YEATS2: variants seen among roughly 807,000 people sequenced by gnomAD.
The protein encoded by YEATS2 is YEATS domain-containing protein 2.
In YEATS2, 77 loss-of-function variants were observed where a neutral mutation model predicts 163.2. The ratio of observed to expected loss-of-function variants is 0.47; its 90% CI spans 0.39 to 0.57. The LOEUF (loss-of-function observed/expected upper bound fraction) is 0.57, where lower values mean the gene tolerates loss of function less well. YEATS2 is among the 20% of genes least tolerant of loss of function. YEATS2 has a pLI of 0.00. For synonymous variants in YEATS2, 631 were observed against 645.1 expected, an observed-to-expected ratio of 0.98 and a Z score of 0.33; for missense variants, 1,549 against 1,729.8, an observed-to-expected ratio of 0.90 and a Z score of 1.85.
intron 1 of YEATS2, among the ~76,000 whole-genome samples, chr3:183,710,547 C>T (rs1715092441): frequency 6.6e-6 from 1 of 152,180 alleles, no homozygotes; most frequent in African/African-American, 2.4e-5. Context: ...ACAAGAAAAG[C>T]TTTATTCTAA....
chr3:183,712,764 A>ATTT (rs35062693), intron 1 of YEATS2, among the ~76,000 whole-genome samples: 31 of 146,454 alleles, frequency 2.1e-4, no homozygotes, highest in South Asian at 4.3e-4. Context: ...ACTAATACAA[A>ATTT]TTTTTTTTTT....
intron 20 of YEATS2, among the ~76,000 whole-genome samples, chr3:183,787,384 C>T (rs1724165837): frequency 6.6e-6 from 1 of 151,154 alleles, no homozygotes; most frequent in African/African-American, 2.4e-5. Flanking sequence ...TGTTCTTGTC[C>T]TTTTTTTTTA....
chr3:183,799,103 C>A, intron 23 of YEATS2, 114 bp downstream of exon 23: 1 of 818,074 alleles, frequency 1.2e-6, no homozygotes, highest in South Asian at 1.5e-5. Context: ...TAATCTGAAT[C>A]TTTTGAATTT....
intron 19 of YEATS2, among the ~76,000 whole-genome samples, chr3:183,778,111 CAAAAAAAAAA>C (rs569250141): frequency 5.3e-5 from 3 of 56,410 alleles, no homozygotes; most frequent in South Asian, 6.0e-4. Flanking sequence ...GATTCTGTCT[CAAAAAAAAAA>C]AAAAAAAGAA....
Position 183,761,617 on chromosome 3 carries a change from G to C in YEATS2, c.1764+3G>C. ...GAGGACTTGGAGCTTTCACAAAAGTGAGTATGTATTAGGGCATTGTCCCAC... is the reference window on the plus strand; with the variant it reads ...GAGGACTTGGAGCTTTCACAAAAGTCAGTATGTATTAGGGCATTGTCCCAC... On this transcript the variant is annotated splice_donor_region_variant and intron_variant, in intron 14 of 30. Coordinates refer to ENST00000305135, the MANE Select transcript of YEATS2 (RefSeq NM_018023.5). 1 of 1,612,954 alleles carries C rather than the reference G, an allele frequency of 6.2e-7. No homozygotes were observed. Among genetic ancestry groups the C allele is most frequent in the Non-Finnish European group, 8.5e-7 (1 of 1,178,934 alleles).
chr3:183,768,723 A>C (rs749640648), intron 15 of YEATS2, among the ~76,000 whole-genome samples: 3 of 152,160 alleles, frequency 2.0e-5, no homozygotes, highest in Non-Finnish European at 4.4e-5. Context: ...CTGTAATCTC[A>C]GCACTTTGGG....
At chr3:183,706,307 T>G (rs1577027062) in intron 1 of YEATS2, among the ~76,000 whole-genome samples, 2 of 151,998 alleles carry the variant, frequency 1.3e-5, no homozygotes, top group East Asian at 3.9e-4. Flanking sequence ...TCTTAAAGAT[T>G]AAGGATGGAG....
chr3:183,700,594 C>CTT, intron 1 of YEATS2, among the ~76,000 whole-genome samples: 3 of 142,176 alleles, frequency 2.1e-5, no homozygotes, highest in African/African-American at 7.9e-5. Context: ...CTTTTCTTTT[C>CTT]TTTCTTTTTT....
chr3:183,804,807 G>A (rs1307336775), intron 27 of YEATS2, among the ~76,000 whole-genome samples: 2 of 151,744 alleles, frequency 1.3e-5, no homozygotes, highest in Non-Finnish European at 2.9e-5. Flanking sequence ...CTAACACACT[G>A]AAACCCCATC....
chr3:183,736,546 T>C (rs967058683), intron 7 of YEATS2, among the ~76,000 whole-genome samples, 172 bp from the exon 8 acceptor site: 2 of 152,254 alleles, frequency 1.3e-5, no homozygotes, highest in African/African-American at 2.4e-5. Flanking sequence ...TTTTTTCTTT[T>C]AAAATTTATC....
chr3:183,799,968 G>T (rs1166444312), intron 23 of YEATS2, among the ~76,000 whole-genome samples: 1 of 151,864 alleles, frequency 6.6e-6, no homozygotes, highest in Non-Finnish European at 1.5e-5. Context: ...GAGTAGCTGG[G>T]ACTACAGGCG....
chr3:183,785,304 A>G (rs974149550), intron 19 of YEATS2, among the ~76,000 whole-genome samples: 2 of 152,014 alleles, frequency 1.3e-5, no homozygotes, highest in African/African-American at 4.8e-5. Context: ...CCTGGCCAAC[A>G]TGGTGAAACC....
Position 183,721,811 on chromosome 3 carries a change from A to G in YEATS2, c.292-80A>G, listed in dbSNP as rs577055968. On this transcript the variant is annotated intron_variant, in intron 4 of 30. Coordinates refer to ENST00000305135, the MANE Select transcript of YEATS2 (RefSeq NM_018023.5). ...TTTAAGCATGATCCTGTAATAGATA[A>G]GGTTTTGGAGAGATCAGATTTTTGC... 10 of 1,534,200 alleles carry G rather than the reference A, an allele frequency of 6.5e-6. No individual in the cohort carries two copies. The South Asian group carries it at 1.0e-4, about 16-fold the overall frequency.
At chr3:183,702,020 C>G (rs1714146258) in intron 1 of YEATS2, among the ~76,000 whole-genome samples, 1 of 152,220 alleles carries the variant, frequency 6.6e-6, no homozygotes, top group Non-Finnish European at 1.5e-5. Flanking sequence ...TCATATTTCA[C>G]CTCTACCTTC....
chr3:183,809,252 T>C (rs1726547700), intron 30 of YEATS2, 82 bp downstream of exon 30: 1 of 1,390,294 alleles, frequency 7.2e-7, no homozygotes, highest in Admixed American at 1.7e-5. Flanking sequence ...TGTTTTATAC[T>C]TACATCAATC....
At chr3:183,795,715 A>G (rs1560326402) in intron 21 of YEATS2, among the ~76,000 whole-genome samples, 2 of 152,066 alleles carry the variant, frequency 1.3e-5, no homozygotes, top group East Asian at 3.9e-4. Flanking sequence ...GGGGTTGGCT[A>G]TATTTAGTTA....
intron 6 of YEATS2, among the ~76,000 whole-genome samples, 194 bp downstream of exon 6, chr3:183,724,725 G>T (rs1250515313): frequency 6.6e-6 from 1 of 152,090 alleles, no homozygotes; most frequent in Non-Finnish European, 1.5e-5. Context: ...GTCAGAATTT[G>T]AATCTAGGTC....
intron 16 of YEATS2, among the ~76,000 whole-genome samples, chr3:183,773,066 A>T (rs1722643279): frequency 6.6e-6 from 1 of 152,228 alleles, no homozygotes; most frequent in South Asian, 2.1e-4. Flanking sequence ...ATGACAAGAA[A>T]AAAGTCTGTA....
At chr3:183,791,715 G>C (rs1013380318) in intron 21 of YEATS2, among the ~76,000 whole-genome samples, 1 of 152,018 alleles carries the variant, frequency 6.6e-6, no homozygotes, top group Non-Finnish European at 1.5e-5. Context: ...TAGCCTTGTT[G>C]ACTCCAAGTC....
Sources: allele counts gnomAD v4.1 joint callset (sites outside exome capture counted in the v4.1 genomes callset), GRCh38; gene constraint gnomAD v4.1.1; transcripts MANE v1.5; gene names NCBI Gene and HGNC (gene_info 2026-07-23, HGNC 2026-07-21).